The following PHACTR1 variants were observed in gnomAD, a reference collection of about 807,000 sequenced individuals.
PHACTR1 encodes the protein RPEL repeat containing 1.
PHACTR1 carries 16 observed loss-of-function variants against 69.2 expected under a neutral mutation model. The observed-to-expected ratio is 0.23, with a 90% CI of 0.16 to 0.35. PHACTR1 has a LOEUF of 0.35. Among genes scored for constraint, PHACTR1 ranks in the 10% least tolerant of loss-of-function variants. PHACTR1 has a pLI of 1.00. For missense variants in PHACTR1, 510 were observed against 734.7 expected, an observed-to-expected ratio of 0.69 and a Z score of 3.54; for synonymous variants, 312 against 284.5, an observed-to-expected ratio of 1.10 and a Z score of -0.97.
intron 7 of PHACTR1, among the ~76,000 whole-genome samples, chr6:13,195,675 T>A (rs1392293160): frequency 6.8e-6 from 1 of 146,354 alleles, no homozygotes; most frequent in East Asian, 2.0e-4. Context: ...TGAAAATTGC[T>A]TGAACCCAGA....
chr6:12,815,282 C>T (rs1325737918), intron 4 of PHACTR1, among the ~76,000 whole-genome samples: 3 of 152,146 alleles, frequency 2.0e-5, no homozygotes, highest in Non-Finnish European at 2.9e-5. Flanking sequence ...TTTCTTTTCC[C>T]TGTATTTCTA....
chr6:12,737,578 G>C (rs1182257536), intron 3 of PHACTR1, among the ~76,000 whole-genome samples: 1 of 148,894 alleles, frequency 6.7e-6, no homozygotes, highest in East Asian at 2.0e-4. Context: ...ATACTTTACT[G>C]TGTATTTCTT....
intron 5 of PHACTR1, among the ~76,000 whole-genome samples, chr6:13,125,843 T>C (rs1819449768): frequency 6.6e-6 from 1 of 152,052 alleles, no homozygotes. Flanking sequence ...GGTGGGAGGA[T>C]TGCCTGAGCC....
At chr6:13,039,387 A>G (rs1296886243) in intron 4 of PHACTR1, among the ~76,000 whole-genome samples, 1 of 152,232 alleles carries the variant, frequency 6.6e-6, no homozygotes, top group African/African-American at 2.4e-5. Context: ...AAAGCAGGAA[A>G]TGTGGATTGA....
chr6:13,150,218 G>A (rs928851266), intron 5 of PHACTR1, among the ~76,000 whole-genome samples: 2 of 152,060 alleles, frequency 1.3e-5, no homozygotes, highest in Non-Finnish European at 2.9e-5. Context: ...GGTACCGCAT[G>A]CCTGTCCCAG....
At chr6:13,187,327 A>G (rs1356251233) in intron 7 of PHACTR1, among the ~76,000 whole-genome samples, 1 of 152,246 alleles carries the variant, frequency 6.6e-6, no homozygotes, top group Admixed American at 6.5e-5. Context: ...TCTGATAAAG[A>G]GAAGGCTGAA....
intron 8 of PHACTR1, among the ~76,000 whole-genome samples, chr6:13,217,928 A>G (rs1767928634): frequency 6.6e-6 from 1 of 152,222 alleles, no homozygotes; most frequent in African/African-American, 2.4e-5. Flanking sequence ...AAAGTGGCTG[A>G]TTATTCTCTC....
At position 13,195,757 on chromosome 6, in the gene PHACTR1, C is replaced by CAAAAAAAAAAAAAAAAAAAAAA. The variant is rs869092852; in HGVS notation, c.665-10056_665-10035dup. Among the ~76,000 whole-genome samples the CAAAAAAAAAAAAAAAAAAAAAA allele has an allele frequency of 1.7e-3, 69 of 41,482 alleles. 12 individuals are homozygous for CAAAAAAAAAAAAAAAAAAAAAA. The highest frequency in any genetic ancestry group is 2.4e-3 in the African/African-American group (28 of 11,588). 27.2% of individuals were successfully genotyped at this position (41,482 alleles called of 152,430 possible). On this transcript the variant is annotated intron_variant, in intron 7 of 14. Transcript: ENST00000332995. ...TGGGCGACAGAGAGAGACACCGTCT[C>CAAAAAAAAAAAAAAAAAAAAAA]AAAAAAAAAAAAAAAAAAAAAAAGT... is the stretch of plus-strand genomic sequence containing the variant.
At chr6:12,941,465 T>C (rs1020438533) in intron 4 of PHACTR1, among the ~76,000 whole-genome samples, 8 of 152,072 alleles carry the variant, frequency 5.3e-5, no homozygotes, top group African/African-American at 1.9e-4. Flanking sequence ...ACCAGGCTGA[T>C]TGTAAGTAAA....
intron 4 of PHACTR1, chr6:12,957,640 C>T: frequency 1.0e-6 from 1 of 985,536 alleles, no homozygotes; most frequent in Non-Finnish European, 1.2e-6. Flanking sequence ...GTGTGCCTGC[C>T]AACTGTTCTG....
At chr6:13,263,361 A>G (rs1776190387) in intron 10 of PHACTR1, among the ~76,000 whole-genome samples, 1 of 151,040 alleles carries the variant, frequency 6.6e-6, no homozygotes, top group Non-Finnish European at 1.5e-5. Flanking sequence ...AAAAAAGGCA[A>G]GATCCATTCT....
chr6:12,977,375 CTCTT>C (rs2127589493), intron 4 of PHACTR1, among the ~76,000 whole-genome samples: 1 of 64,924 alleles, frequency 1.5e-5, no homozygotes, highest in South Asian at 8.6e-4. Flanking sequence ...TTCTCTCTCT[CTCTT>C]TCACACACAC....
At chr6:13,046,440 G>A (rs1805061805) in intron 4 of PHACTR1, among the ~76,000 whole-genome samples, 2 of 152,152 alleles carry the variant, frequency 1.3e-5, no homozygotes, top group Admixed American at 1.3e-4. Context: ...TGGATGCTAA[G>A]GGATGGGGTG....
rs114790910 is a variant in PHACTR1 at position 13,091,804 on chromosome 6, A to G, written c.415+38275A>G. ...TGCGCAGTTCACAATAGGGTTCGCA[A>G]TTCTTTTTTTTGAGATGGAGTCTCC... On this transcript the variant is annotated intron_variant, in intron 5 of 14. Coordinates refer to ENST00000332995, the MANE Select transcript of PHACTR1 (RefSeq NM_030948.6). Among the ~76,000 whole-genome samples the G allele has an allele frequency of 8.1e-3, 1,230 of 151,964 alleles. 4 individuals are homozygous for G. The highest frequency in any genetic ancestry group is 0.013 in the Non-Finnish European group (897 of 67,952).
intron 5 of PHACTR1, among the ~76,000 whole-genome samples, chr6:13,076,685 A>G (rs1250317913): frequency 1.3e-5 from 2 of 151,830 alleles, no homozygotes; most frequent in African/African-American, 4.8e-5. Flanking sequence ...GAGCTCTGAG[A>G]AGCAAACAAG....
chr6:13,019,345 G>A (rs1800649829), intron 4 of PHACTR1, among the ~76,000 whole-genome samples: 1 of 152,198 alleles, frequency 6.6e-6, no homozygotes, highest in Non-Finnish European at 1.5e-5. Flanking sequence ...AAGCAAATTT[G>A]AGTGAGTTTT....
At chr6:12,969,526 G>C (rs533370981) in intron 4 of PHACTR1, among the ~76,000 whole-genome samples, 1 of 152,136 alleles carries the variant, frequency 6.6e-6, no homozygotes, top group Non-Finnish European at 1.5e-5. Context: ...AGGATCACTC[G>C]AGTCCAGGAG....
chr6:13,263,252 T>G (rs1273224635), intron 10 of PHACTR1, among the ~76,000 whole-genome samples: 1 of 150,508 alleles, frequency 6.6e-6, no homozygotes, highest in Non-Finnish European at 1.5e-5. Context: ...TTTTTTTTTT[T>G]TTTTTTTTTC....
At chr6:12,771,035 G>A (rs1279917063) in intron 4 of PHACTR1, among the ~76,000 whole-genome samples, 1 of 152,238 alleles carries the variant, frequency 6.6e-6, no homozygotes, top group African/African-American at 2.4e-5. Context: ...GGATGAGACT[G>A]GAGAGGGAGC....
Sources: allele counts gnomAD v4.1 joint callset (sites outside exome capture counted in the v4.1 genomes callset), GRCh38; gene constraint gnomAD v4.1.1; transcripts MANE v1.5; gene names NCBI Gene and HGNC (gene_info 2026-07-23, HGNC 2026-07-21).